The following TMEM132D variants were observed in gnomAD, a reference collection of about 807,000 sequenced individuals.
TMEM132D encodes transmembrane protein 132D.
In TMEM132D, 21 loss-of-function variants were observed where a neutral mutation model predicts 62.3. The ratio of observed to expected loss-of-function variants is 0.34; its 90% CI spans 0.24 to 0.49. TMEM132D has a LOEUF of 0.49. TMEM132D is among the 20% of genes least tolerant of loss of function. The probability of loss-of-function intolerance (pLI) is 0.99; values close to 1 mark genes in which losing one functional copy is unlikely to be tolerated. For synonymous variants in TMEM132D, 621 were observed against 575.6 expected (o/e 1.08, Z -1.13); for missense variants, 1,346 against 1,402.8 (o/e 0.96, Z 0.65).
intron 2 of TMEM132D, among the ~76,000 whole-genome samples, chr12:129,620,610 GT>G (rs1186264726): frequency 2.6e-5 from 4 of 152,088 alleles, no homozygotes; most frequent in Non-Finnish European, 5.9e-5. Context: ...AGAAAATGTG[GT>G]ACATATACAC....
chr12:129,875,262 G>A (rs1258917918), intron 1 of TMEM132D, among the ~76,000 whole-genome samples: 1 of 152,186 alleles, frequency 6.6e-6, no homozygotes, highest in East Asian at 1.9e-4. Flanking sequence ...ACCCTGTAGG[G>A]CTTTCACACT....
intron 1 of TMEM132D, among the ~76,000 whole-genome samples, chr12:129,890,562 T>G (rs565717701): frequency 1.9e-4 from 29 of 152,300 alleles, no homozygotes; most frequent in African/African-American, 7.0e-4. Context: ...GTGAAGACCA[T>G]GACCAACACA....
chr12:129,353,631 G>A (rs1012372692), intron 3 of TMEM132D, among the ~76,000 whole-genome samples: 1 of 152,168 alleles, frequency 6.6e-6, no homozygotes, highest in Non-Finnish European at 1.5e-5. Flanking sequence ...TCAGGAGAAA[G>A]GCACGGGGCT....
chr12:129,887,375 T>G (rs1874782649), intron 1 of TMEM132D, among the ~76,000 whole-genome samples: 1 of 152,150 alleles, frequency 6.6e-6, no homozygotes, highest in South Asian at 2.1e-4. Context: ...TGACAAGACA[T>G]TCACAGTGCA....
At chr12:129,246,765 C>CAA (rs60215528) in intron 4 of TMEM132D, among the ~76,000 whole-genome samples, 1 of 148,462 alleles carries the variant, frequency 6.7e-6, no homozygotes, top group African/African-American at 2.5e-5. Flanking sequence ...GACTCTATCT[C>CAA]AAAAAAAAAA....
chr12:129,078,975 A>G (rs1418118079), intron 7 of TMEM132D, among the ~76,000 whole-genome samples: 1 of 152,010 alleles, frequency 6.6e-6, no homozygotes, highest in Admixed American at 6.6e-5. Context: ...CTCTCCCCAC[A>G]CCCCACACAT....
chr12:129,717,412 C>CT lies in TMEM132D; in HGVS notation c.80-16715dup, dbSNP rs1254085846. ...TCATAAATGTTGCTACTTCATTTGC[C>CT]TTTTTTTGGGTAAAAACTGGCAGAA... On this transcript the variant is annotated intron_variant, in intron 1 of 8. Transcript: ENST00000422113. Among the ~76,000 whole-genome samples, 5 of 151,508 alleles carry CT rather than the reference C, an allele frequency of 3.3e-5. No homozygotes were observed. The South Asian group carries it at 1.0e-3, about 31-fold the overall frequency.
chr12:129,559,491 G>A (rs1019023875), intron 2 of TMEM132D, among the ~76,000 whole-genome samples: 1 of 152,132 alleles, frequency 6.6e-6, no homozygotes, highest in African/African-American at 2.4e-5. Flanking sequence ...GAAGACGCTG[G>A]TTATTTTTTC....
At chr12:129,296,551 TTCC>T (rs1412801846) in intron 4 of TMEM132D, among the ~76,000 whole-genome samples, 2 of 152,202 alleles carry the variant, frequency 1.3e-5, no homozygotes, top group Non-Finnish European at 2.9e-5. Context: ...TCCTGTTTCT[TTCC>T]TCAAGTGACA....
chr12:129,449,885 T>C (rs1312131632), intron 3 of TMEM132D, among the ~76,000 whole-genome samples: 1 of 152,208 alleles, frequency 6.6e-6, no homozygotes, highest in African/African-American at 2.4e-5. Context: ...AGTGAGTCCG[T>C]GGGTCTTGTG....
chr12:129,319,333 C>T (rs115844497), intron 4 of TMEM132D, among the ~76,000 whole-genome samples: 3,786 of 152,234 alleles, frequency 0.025, 172 homozygotes, highest in African/African-American at 0.083. Flanking sequence ...GACTCAGCCC[C>T]AGGTAAAGTT....
chr12:129,393,371 G>T (rs1197399173), intron 3 of TMEM132D, among the ~76,000 whole-genome samples: 2 of 152,200 alleles, frequency 1.3e-5, no homozygotes, highest in African/African-American at 4.8e-5. Context: ...CTTTTCTGGG[G>T]GGCAACTGGT....
intron 2 of TMEM132D, among the ~76,000 whole-genome samples, chr12:129,662,658 T>C (rs1283225368): frequency 6.6e-6 from 1 of 151,986 alleles, no homozygotes; most frequent in Non-Finnish European, 1.5e-5. Context: ...CTGGGCATGG[T>C]GGCACACGCC....
At chr12:129,435,515 G>A (rs558032700) in intron 3 of TMEM132D, among the ~76,000 whole-genome samples, 1 of 152,108 alleles carries the variant, frequency 6.6e-6, no homozygotes, top group African/African-American at 2.4e-5. Flanking sequence ...TAACCATTCT[G>A]GGGTGAGACA....
Position 129,231,746 on chromosome 12 carries a change from C to T in TMEM132D, c.1300-22083G>A, listed in dbSNP as rs116655743. On this transcript the variant is annotated intron_variant, in intron 4 of 8. Transcript: ENST00000422113. ...GGGCTATGGGTTTGTTGAAAATCAG[C>T]CAGCTGAAATGGTGACCCTAACTAT... Among the ~76,000 whole-genome samples the T allele has an allele frequency of 3.3e-3, 505 of 152,228 alleles. 4 individuals are homozygous for T. Among genetic ancestry groups the T allele is most frequent in the African/African-American group, 0.012 (488 of 41,542 alleles).
At chr12:129,702,119 G>A (rs980915611) in intron 1 of TMEM132D, among the ~76,000 whole-genome samples, 2 of 152,170 alleles carry the variant, frequency 1.3e-5, no homozygotes, top group Non-Finnish European at 2.9e-5. Flanking sequence ...GAAGTTCAAC[G>A]CATGTATTCA....
intron 1 of TMEM132D, among the ~76,000 whole-genome samples, chr12:129,795,061 A>C (rs922350677): frequency 1.3e-5 from 2 of 151,988 alleles, no homozygotes; most frequent in Non-Finnish European, 2.9e-5. Context: ...TTTAATATTG[A>C]GGAGGTTGAT....
At chr12:129,128,156 G>C (rs535181891) in intron 5 of TMEM132D, among the ~76,000 whole-genome samples, 8 of 152,296 alleles carry the variant, frequency 5.3e-5, no homozygotes, top group East Asian at 1.9e-4. Context: ...GGCAACCCTG[G>C]AGTAGGGGAG....
At chr12:129,169,238 G>T (rs1877648260) in intron 5 of TMEM132D, among the ~76,000 whole-genome samples, 1 of 151,996 alleles carries the variant, frequency 6.6e-6, no homozygotes, top group Non-Finnish European at 1.5e-5. Context: ...TGGTCTGGGG[G>T]TCCTGCTCTG....
Sources: gnomAD v4.1 joint callset for allele counts (sites outside exome capture counted in the v4.1 genomes callset) on GRCh38, gnomAD v4.1.1 for gene constraint, MANE v1.5 for transcripts, NCBI Gene and HGNC (gene_info 2026-07-23, HGNC 2026-07-21) for gene names.